Variants in RPSA2 observed in about 807,000 individuals in gnomAD.
The protein encoded by RPSA2 is ribosomal protein SA 2.
chr19:23,846,818 T>G, the RPSA2 span, among the ~76,000 whole-genome samples: 30 of 152,344 alleles, frequency 2.0e-4, no homozygotes, highest in African/African-American at 7.0e-4. Flanking sequence ...GTTTAGATAC[T>G]ATGATTATTA....
the RPSA2 span, chr19:23,827,209 T>A: frequency 1.1e-6 from 1 of 951,446 alleles, no homozygotes; most frequent in Non-Finnish European, 1.6e-6. Flanking sequence ...AGGATGTCCT[T>A]AAGTTCCTTG....
chr19:23,770,461 T>G, the RPSA2 span, among the ~76,000 whole-genome samples: 1 of 152,252 alleles, frequency 6.6e-6, no homozygotes. Context: ...CCCTTTTATT[T>G]TTCTTGTTTC....
chr19:23,833,380 A>G, the RPSA2 span: 46 of 207,498 alleles, frequency 2.2e-4, no homozygotes, highest in African/African-American at 9.4e-4. Flanking sequence ...CTGGAGAGAA[A>G]CTTTGCAAAC....
the RPSA2 span, among the ~76,000 whole-genome samples, chr19:23,859,937 C>T: frequency 1.6e-4 from 25 of 152,240 alleles, no homozygotes; most frequent in Admixed American, 1.6e-3. Flanking sequence ...TCTAACTTTT[C>T]CATTATGATT....
the RPSA2 span, among the ~76,000 whole-genome samples, chr19:23,771,732 G>C: frequency 1.3e-5 from 2 of 152,242 alleles, no homozygotes; most frequent in African/African-American, 4.8e-5. Context: ...CTTTTCCCAA[G>C]AAGGGACTGT....
chr19:23,866,137 C>T, the RPSA2 span, among the ~76,000 whole-genome samples: 1 of 152,194 alleles, frequency 6.6e-6, no homozygotes, highest in African/African-American at 2.4e-5. Context: ...AGGCCACTTA[C>T]CACCAGTCTT....
At chr19:23,800,208 T>A in the RPSA2 span, among the ~76,000 whole-genome samples, 2 of 6,642 alleles carry the variant, frequency 3.0e-4, no homozygotes, top group Non-Finnish European at 3.6e-3. Context: ...TATTTTATTT[T>A]ATTTTTTTTT....
the RPSA2 span, among the ~76,000 whole-genome samples, chr19:23,830,437 G>T: frequency 1.3e-5 from 2 of 152,162 alleles, no homozygotes; most frequent in Non-Finnish European, 2.9e-5. Context: ...GAGCCACCAT[G>T]CCTGGCCTGG....
chr19:23,809,021 C>G, the RPSA2 span: 1 of 191,426 alleles, frequency 5.2e-6, no homozygotes, highest in Non-Finnish European at 1.1e-5. Context: ...CTTCAGTGTT[C>G]TTCCTTCAAA....
At chr19:23,777,845 G>A in the RPSA2 span, among the ~76,000 whole-genome samples, 7 of 152,260 alleles carry the variant, frequency 4.6e-5, no homozygotes, top group African/African-American at 1.7e-4. Context: ...CCCAGGTGAT[G>A]TAACTCTCCT....
chr19:23,833,971 A>G, the RPSA2 span, among the ~76,000 whole-genome samples: 1 of 152,128 alleles, frequency 6.6e-6, no homozygotes, highest in African/African-American at 2.4e-5. Flanking sequence ...CATTTTTTCA[A>G]AAACTACAAA....
At chr19:23,857,279 A>G in the RPSA2 span, among the ~76,000 whole-genome samples, 2 of 152,216 alleles carry the variant, frequency 1.3e-5, no homozygotes, top group Non-Finnish European at 2.9e-5. Context: ...CCTTCAGCTT[A>G]TGAAGATAAC....
chr19:23,843,682 T>C, the RPSA2 span, among the ~76,000 whole-genome samples: 2 of 152,332 alleles, frequency 1.3e-5, no homozygotes, highest in East Asian at 1.9e-4. Context: ...GATATTAAGA[T>C]TTGTTTCAGA....
the RPSA2 span, among the ~76,000 whole-genome samples, chr19:23,869,165 C>T: frequency 1.3e-5 from 2 of 152,168 alleles, no homozygotes. Flanking sequence ...GATCAGGGAG[C>T]ATGGGCTCCA....
the RPSA2 span, among the ~76,000 whole-genome samples, chr19:23,845,361 A>C: frequency 6.7e-6 from 1 of 150,350 alleles, no homozygotes; most frequent in Non-Finnish European, 1.5e-5. Flanking sequence ...CTTAACATGT[A>C]AGCTTTCTAC....
At chr19:23,828,558 GT>G in the RPSA2 span, among the ~76,000 whole-genome samples, 79,675 of 91,870 alleles carry the variant, frequency 0.87, 34,958 homozygotes, top group East Asian at 0.95. Flanking sequence ...AAATTTTTCA[GT>G]TTTTTTTTTT....
chr19:23,847,735 G>T, the RPSA2 span, among the ~76,000 whole-genome samples: 1 of 152,140 alleles, frequency 6.6e-6, no homozygotes, highest in Admixed American at 6.5e-5. Flanking sequence ...GGTACTGCAG[G>T]AGACCAGGGC....
At chr19:23,863,094 A>G in the RPSA2 span, among the ~76,000 whole-genome samples, 1 of 152,118 alleles carries the variant, frequency 6.6e-6, no homozygotes, top group Non-Finnish European at 1.5e-5. Flanking sequence ...TACTGCTATC[A>G]TGATGAGTGT....
chr19:23,792,877 A>C, the RPSA2 span, among the ~76,000 whole-genome samples: 2 of 152,174 alleles, frequency 1.3e-5, no homozygotes, highest in African/African-American at 4.8e-5. Flanking sequence ...AAAGCAAACA[A>C]GATTAGAAAG....
Sources: allele counts gnomAD v4.1 joint callset (sites outside exome capture counted in the v4.1 genomes callset), GRCh38; gene constraint gnomAD v4.1.1; transcripts MANE v1.5; gene names NCBI Gene and HGNC (gene_info 2026-07-23, HGNC 2026-07-21).